The following ZBTB38 variants were observed in gnomAD, a reference collection of about 807,000 sequenced individuals.
ZBTB38 encodes zinc finger and BTB domain-containing protein 38.
Under a neutral mutation model 76.8 loss-of-function variants are expected in ZBTB38, and 20 were observed. That is an observed-to-expected ratio of 0.26 (90% confidence interval 0.18 to 0.38). The LOEUF (loss-of-function observed/expected upper bound fraction) is 0.38, where lower values mean the gene tolerates loss of function less well. ZBTB38 is among the 10% of genes least tolerant of loss of function. The probability of loss-of-function intolerance (pLI) is 1.00; values close to 1 mark genes in which losing one functional copy is unlikely to be tolerated. For synonymous variants in ZBTB38, 504 were observed against 544.2 expected (o/e 0.93, Z 1.03); for missense variants, 1,082 against 1,482.3 (o/e 0.73, Z 4.43).
At chr3:141,431,355 T>TATATATATATATATATATATA (rs1362541027) in intron 5 of ZBTB38, among the ~76,000 whole-genome samples, 3 of 137,956 alleles carry the variant, frequency 2.2e-5, no homozygotes, top group African/African-American at 9.1e-5. Flanking sequence ...TATATATATA[T>TATATATATATATATATATATA]TTGGGGGGGA....
intron 3 of ZBTB38, among the ~76,000 whole-genome samples, chr3:141,385,148 G>A (rs552231254): frequency 6.6e-6 from 1 of 152,232 alleles, no homozygotes; most frequent in South Asian, 2.1e-4. Flanking sequence ...TTGAGGTGCT[G>A]GAAAACTAGC....
At chr3:141,402,667 C>G (rs1223906829) in intron 4 of ZBTB38, among the ~76,000 whole-genome samples, 1 of 151,022 alleles carries the variant, frequency 6.6e-6, no homozygotes, top group East Asian at 2.0e-4. Context: ...TGCCCGGACT[C>G]CGGGGCCCGC....
chr3:141,438,212 C>CTTT lies in ZBTB38; in HGVS notation c.1-4167_1-4165dup, dbSNP rs1300606813. On this transcript the variant is annotated intron_variant, in intron 5 of 5. Coordinates refer to ENST00000321464, the MANE Select transcript of ZBTB38 (RefSeq NM_001376113.1). ...TCCAACACCCCATCCCACTTTCTTT[C>CTTT]TTTTTTTTTTTTCTTTTTTCTTCTT... 8 of 137,668 alleles carry CTTT rather than the reference C, an allele frequency of 5.8e-5. No individual in the cohort carries two copies. The South Asian group carries it at 1.4e-3, about 24-fold the overall frequency. 8.5% of individuals were successfully genotyped at this position (137,668 alleles called of 1,614,324 possible).
At chr3:141,350,381 T>G (rs1300739444) in intron 1 of ZBTB38, among the ~76,000 whole-genome samples, 1 of 152,236 alleles carries the variant, frequency 6.6e-6, no homozygotes, top group African/African-American at 2.4e-5. Context: ...AGTCTTTTGG[T>G]TTTTTTCACT....
At chr3:141,436,687 A>G (rs548708455) in intron 5 of ZBTB38, among the ~76,000 whole-genome samples, 54 of 152,196 alleles carry the variant, frequency 3.5e-4, no homozygotes, top group African/African-American at 1.3e-3. Context: ...TAATAGAGAT[A>G]GAGTTTCACC....
rs1260651938 is a variant in ZBTB38, at chr3:141,442,847, T to C, written c.459T>C (p.His153=). The change falls in exon 6 of 6, where the codon CAT becomes CAC. Residue 153 remains histidine (H), a synonymous_variant. Transcript: ENST00000321464. The surrounding 1 kb of genome is among the most constrained non-coding windows in gnomAD (Gnocchi z 6.4). The stretch of plus-strand genomic sequence containing the variant: ...AAGAAGAAAAAAATGAAAAAAGGCA[T>C]GAAGAACCAGCCATCACTAATGGGC... ...VVKEEKNEKR[H]EEPAITNGPR... 1 of 1,614,192 alleles carries C rather than the reference T, an allele frequency of 6.2e-7. No individual in the cohort carries two copies. Among genetic ancestry groups the C allele is most frequent in the Admixed American group, 1.7e-5 (1 of 60,024 alleles).
At position 141,392,626 on chromosome 3, in the gene ZBTB38, T is replaced by C. The variant is rs1195391782; in HGVS notation, c.-106+5689T>C. 2.0e-5 allele frequency: 3 copies of C among 152,242 alleles called. No individual in the cohort carries two copies. The East Asian group carries it at 5.8e-4, about 29-fold the overall frequency. 9.4% of individuals were successfully genotyped at this position (152,242 alleles called of 1,614,324 possible). A position where few individuals can be genotyped will look rare whatever the true frequency, so the allele number is the denominator to read the frequency against. On this transcript the variant is annotated intron_variant, in intron 4 of 5. Coordinates refer to ENST00000321464, the MANE Select transcript of ZBTB38 (RefSeq NM_001376113.1). ...GACCTCACCACCTTCCCGAGATGTC[T>C]TGGCTCCTAATAAGCCACCGTATGT...
At chr3:141,355,356 T>C (rs1383269826) in intron 1 of ZBTB38, among the ~76,000 whole-genome samples, 2 of 152,112 alleles carry the variant, frequency 1.3e-5, no homozygotes, top group African/African-American at 2.4e-5. Flanking sequence ...GACCCCTCCA[T>C]GGGCATGTAC....
chr3:141,334,328 G>A lies in ZBTB38; in HGVS notation c.-739+9872G>A, dbSNP rs115734047. On this transcript the variant is annotated intron_variant, in intron 1 of 7. Transcript: ENST00000509842. ...ATCTTCTCATGGGAATGTGAGGGGG[G>A]ATGCTTTCAACATTAAATCGCCTCC... Among the ~76,000 whole-genome samples the A allele has an allele frequency of 6.1e-3, 924 of 152,024 alleles. 10 individuals are homozygous for A. The highest frequency in any genetic ancestry group is 0.021 in the African/African-American group (858 of 41,450).
chr3:141,405,638 C>T (rs1291449999), intron 5 of ZBTB38: 2 of 152,146 alleles, frequency 1.3e-5, no homozygotes, highest in African/African-American at 2.4e-5. Context: ...GAAATCAAAT[C>T]GCAAGACTTG....
chr3:141,356,137 T>A (rs982146231), intron 1 of ZBTB38, among the ~76,000 whole-genome samples: 3 of 152,024 alleles, frequency 2.0e-5, no homozygotes, highest in Non-Finnish European at 4.4e-5. Flanking sequence ...GGAGCCCTGA[T>A]GAAATCTCAA....
chr3:141,403,971 A>G lies in ZBTB38; in HGVS notation c.-61A>G, dbSNP rs1953337737. The G allele has an allele frequency of 6.6e-6, 1 of 152,226 alleles. No homozygotes were observed. The highest frequency in any genetic ancestry group is 1.5e-5 in the Non-Finnish European group (1 of 68,030). The allele number at this position is 152,226 out of a possible 1,614,324, so 9.4% of individuals were successfully genotyped here. ...GGAGGACTCAGAACCAAGGATTTCC[A>G]AGTGATTTCTTCCAAAGCACAGGAA... is the stretch of plus-strand genomic sequence containing the variant. On this transcript the variant is annotated 5_prime_UTR_variant, in exon 5 of 6. Transcript: ENST00000321464.
chr3:141,415,787 TTGTTGTCCCC>T (rs2073885621), intron 5 of ZBTB38, among the ~76,000 whole-genome samples: 1 of 152,186 alleles, frequency 6.6e-6, no homozygotes, highest in South Asian at 2.1e-4. Context: ...CTGAAGACTC[TTGTTGTCCCC>T]TGGTTGTGAC....
At chr3:141,399,069 C>T (rs1951057953) in intron 4 of ZBTB38, among the ~76,000 whole-genome samples, 1 of 151,518 alleles carries the variant, frequency 6.6e-6, no homozygotes, top group Non-Finnish European at 1.5e-5. Context: ...GTTTCTCTAT[C>T]TCAGAGATTT....
chr3:141,423,799 CTG>C (rs61613983), intron 5 of ZBTB38, among the ~76,000 whole-genome samples: 2,285 of 152,286 alleles, frequency 0.015, 77 homozygotes, highest in African/African-American at 0.053. Flanking sequence ...ATCCACTAAA[CTG>C]AGACTTAAAT....
chr3:141,406,603 G>A lies in ZBTB38; in HGVS notation c.-1+2572G>A, dbSNP rs1298800536. 5.3e-5 allele frequency among the ~76,000 whole-genome samples: 8 copies of A among 152,194 alleles called. No individual in the cohort carries two copies. The South Asian group carries it at 8.3e-4, about 16-fold the overall frequency. On this transcript the variant is annotated intron_variant, in intron 5 of 5. Coordinates refer to ENST00000321464, the MANE Select transcript of ZBTB38 (RefSeq NM_001376113.1). ...CAAGAAGGCCAGGGCTCATTTGGGAGTCTTTGGTTTATAAGAAAAAGTCAA... is the reference window on the plus strand; with the variant it reads ...CAAGAAGGCCAGGGCTCATTTGGGAATCTTTGGTTTATAAGAAAAAGTCAA...
chr3:141,432,124 A>G, intron 5 of ZBTB38: 2 of 985,474 alleles, frequency 2.0e-6, no homozygotes, highest in Non-Finnish European at 2.4e-6. Context: ...CTGAAGCAAA[A>G]TATCCTTTGT....
At chr3:141,338,913 T>C (rs1201586389) in intron 1 of ZBTB38, among the ~76,000 whole-genome samples, 1 of 152,030 alleles carries the variant, frequency 6.6e-6, no homozygotes, top group East Asian at 2.0e-4. Flanking sequence ...AACAATCTTT[T>C]AGGGAACATT....
intron 5 of ZBTB38, among the ~76,000 whole-genome samples, chr3:141,414,674 C>T (rs1559945335): frequency 1.3e-5 from 2 of 152,092 alleles, no homozygotes; most frequent in Non-Finnish European, 2.9e-5. Flanking sequence ...CAGGCATGTC[C>T]GTCTTAAGGC....
Sources: allele counts gnomAD v4.1 joint callset (sites outside exome capture counted in the v4.1 genomes callset), GRCh38; gene constraint gnomAD v4.1.1; non-coding constraint Gnocchi (gnomAD v3.1); transcripts MANE v1.5; gene names NCBI Gene and HGNC (gene_info 2026-07-23, HGNC 2026-07-21).